The following AP4E1 variants were observed in gnomAD, a reference collection of about 807,000 sequenced individuals.
AP4E1 encodes AP-4 complex subunit epsilon-1.
AP4E1 carries 56 observed loss-of-function variants against 128.2 expected under a neutral mutation model. The observed-to-expected ratio is 0.44, with a 90% CI of 0.35 to 0.55. AP4E1 has a LOEUF of 0.55. Among genes scored for constraint, AP4E1 ranks in the 20% least tolerant of loss-of-function variants. The pLI is 0.00. For synonymous variants in AP4E1, 484 were observed against 473.1 expected (o/e 1.02, Z -0.30); for missense variants, 1,324 against 1,307.7 (o/e 1.01, Z -0.19).
In AP4E1 at chr15:50,991,545, C is replaced by CT. The variant is rs1001631623; in HGVS notation, c.2091-1815dup. 6.4e-3 allele frequency among the ~76,000 whole-genome samples: 958 copies of CT among 149,504 alleles called. 13 individuals carry two copies. The highest frequency in any genetic ancestry group is 0.022 in the African/African-American group (914 of 40,752). On this transcript the variant is annotated intron_variant, in intron 16 of 20. Coordinates refer to ENST00000261842, the MANE Select transcript of AP4E1 (RefSeq NM_007347.5). ...TTTGTCTAAGAGGTTTATTATATAA[C>CT]TTTTTTTTTTCTTTAGAAAACTCTT...
At chr15:50,911,988 T>G (rs1161168577) in intron 1 of AP4E1, 90 bp from the exon 2 acceptor site, 3 of 970,958 alleles carry the variant, frequency 3.1e-6, no homozygotes, top group Non-Finnish European at 4.8e-6. Flanking sequence ...AAATTAAAAG[T>G]ATTGTAAATT....
intron 15 of AP4E1, among the ~76,000 whole-genome samples, chr15:50,980,101 G>A (rs1448261771): frequency 2.6e-5 from 4 of 152,170 alleles, no homozygotes; most frequent in African/African-American, 4.8e-5. Flanking sequence ...ATTATTAAGT[G>A]TTCATGATCA....
intron 14 of AP4E1, among the ~76,000 whole-genome samples, chr15:50,961,888 A>G (rs2064319615): frequency 6.6e-6 from 1 of 152,052 alleles, no homozygotes; most frequent in Non-Finnish European, 1.5e-5. Context: ...TAGAACCAAT[A>G]AAAGAATTCA....
At chr15:50,915,421 A>G in intron 2 of AP4E1, 27 bp from the exon 3 acceptor site, 1 of 1,603,598 alleles carries the variant, frequency 6.2e-7, no homozygotes, top group Non-Finnish European at 8.5e-7. Flanking sequence ...GTTTATTTAT[A>G]CAGCTACTGG....
rs148111863 is a variant in AP4E1, at chr15:50,997,853, C to T, written c.2874C>T (p.Asp958=). 1.9e-4 allele frequency: 310 copies of T among 1,598,612 alleles called. No individual in the cohort carries two copies. The highest frequency in any genetic ancestry group is 2.5e-4 in the Non-Finnish European group (288 of 1,170,422). Residue 958 remains aspartate, a synonymous_variant, in exon 18 of 21, where the codon GAC becomes GAT. Coordinates refer to ENST00000261842, the MANE Select transcript of AP4E1 (RefSeq NM_007347.5). ...GTGGTTTGGAATTGAAAAGTGCTGA[C>T]TTAGAAATTTTTCCTGCAGAAAATT... The part of the protein sequence containing the change: ...NKSGLELKSA[D]LEIFPAENFK...
Position 51,002,851 on chromosome 15 carries a change from G to A in AP4E1, c.*189G>A, listed in dbSNP as rs1455456456. The stretch of plus-strand genomic sequence containing the variant: ...AACTGTATCCCTAACCTTTAACTCA[G>A]GATTGTACAGTATGTTTAGGTCCCT... On this transcript the variant is annotated 3_prime_UTR_variant, in exon 21 of 21. Coordinates refer to ENST00000261842, the MANE Select transcript of AP4E1 (RefSeq NM_007347.5). The A allele has an allele frequency of 1.5e-6, 1 of 688,042 alleles. No individual in the cohort carries two copies. The highest frequency in any genetic ancestry group is 2.4e-6 in the Non-Finnish European group (1 of 414,828). The allele number at this position is 688,042 out of a possible 1,614,324, so 42.6% of individuals were successfully genotyped here.
At chr15:50,936,702 G>A (rs1236551187) in intron 8 of AP4E1, among the ~76,000 whole-genome samples, 1 of 152,188 alleles carries the variant, frequency 6.6e-6, no homozygotes, top group African/African-American at 2.4e-5. Flanking sequence ...TTGGGAGGCC[G>A]AGGTGGGCGG....
intron 15 of AP4E1, among the ~76,000 whole-genome samples, chr15:50,973,256 G>A (rs904084002): frequency 6.6e-6 from 1 of 152,082 alleles, no homozygotes; most frequent in Non-Finnish European, 1.5e-5. Flanking sequence ...CAGGCTGTGT[G>A]CTAGGCATAT....
chr15:50,912,107 G>A lies in AP4E1; in HGVS notation c.180G>A (p.Leu60=). 6.2e-7 allele frequency: 1 copy of A among 1,614,134 alleles called. No individual in the cohort carries two copies. Among genetic ancestry groups the A allele is most frequent in the Non-Finnish European group, 8.5e-7 (1 of 1,179,992 alleles). ...HEEEKLIQQE[L]SSLKATVSAP... ...AAGAAAAATTAATCCAGCAGGAACT[G>A]AGTAGTCTGAAAGCGACTGTTTCTG... is the stretch of plus-strand genomic sequence containing the variant. Residue 60 remains leucine, a synonymous_variant, in exon 2 of 21, where the codon CTG becomes CTA. Transcript: ENST00000261842.
At position 50,958,534 on chromosome 15, in the gene AP4E1, G is replaced by A. The variant is rs2064263476; in HGVS notation, c.1591G>A (p.Glu531Lys). ...CTACCTCTTAGATAAGGAAACGCCA[G>A]AGGAAGTTATAGCTAAGCTCTACAA... ...YSYLLDKETP[E>K]EVIAKLYKLL... The change falls in exon 14 of 21, where the codon GAG (glutamate) becomes AAG (lysine). Residue 531 changes from glutamate (E) to lysine (K), a missense_variant. Glu to Lys is a moderately conservative substitution (Grantham distance 56). Coordinates refer to ENST00000261842, the MANE Select transcript of AP4E1 (RefSeq NM_007347.5). 1 of 1,613,780 alleles carries A rather than the reference G, an allele frequency of 6.2e-7. No individual in the cohort carries two copies. Among genetic ancestry groups the A allele is most frequent in the Admixed American group, 1.7e-5 (1 of 59,990 alleles).
intron 19 of AP4E1, 73 bp from the exon 20 acceptor site, chr15:51,000,953 G>C: frequency 8.8e-7 from 1 of 1,142,124 alleles, no homozygotes; most frequent in East Asian, 2.4e-5. Context: ...ATTCTCATGA[G>C]GCATTTGAAA....
intron 16 of AP4E1, among the ~76,000 whole-genome samples, chr15:50,984,576 C>T (rs943746252): frequency 1.9e-4 from 28 of 150,388 alleles, no homozygotes; most frequent in African/African-American, 3.4e-4. Flanking sequence ...TTTGTCCTTG[C>T]GATAGTTTGC....
At chr15:50,972,721 G>A (rs148993490) in intron 15 of AP4E1, among the ~76,000 whole-genome samples, 32 of 152,348 alleles carry the variant, frequency 2.1e-4, no homozygotes, top group African/African-American at 5.5e-4. Context: ...TACTCTGGCT[G>A]GGAAGCATGG....
intron 3 of AP4E1, among the ~76,000 whole-genome samples, chr15:50,918,470 T>C (rs544159927): frequency 6.6e-6 from 1 of 152,318 alleles, no homozygotes; most frequent in African/African-American, 2.4e-5. Flanking sequence ...TATTAGATAG[T>C]TGATGGTAGA....
At chr15:50,968,455 T>A (rs1446156665) in intron 15 of AP4E1, 78 bp downstream of exon 15, 2 of 1,023,624 alleles carry the variant, frequency 2.0e-6, no homozygotes, top group Non-Finnish European at 3.0e-6. Flanking sequence ...AGTAAATAAA[T>A]AAAGATATTT....
At chr15:50,916,421 G>C (rs888349895) in intron 3 of AP4E1, among the ~76,000 whole-genome samples, 2 of 152,094 alleles carry the variant, frequency 1.3e-5, no homozygotes, top group Non-Finnish European at 2.9e-5. Context: ...AGGGCTGTTA[G>C]GAAAAATTCT....
intron 3 of AP4E1, among the ~76,000 whole-genome samples, chr15:50,919,921 A>G (rs1336091129): frequency 6.6e-6 from 1 of 151,688 alleles, no homozygotes; most frequent in Non-Finnish European, 1.5e-5. Context: ...TACTAAGAAT[A>G]CAAAGATTAG....
intron 10 of AP4E1, among the ~76,000 whole-genome samples, chr15:50,947,799 G>T (rs1175241106): frequency 6.6e-6 from 1 of 152,144 alleles, no homozygotes; most frequent in African/African-American, 2.4e-5. Context: ...TCAGTAGGAA[G>T]CTTATAGACA....
chr15:50,920,867 C>T (rs1237387076), intron 3 of AP4E1, among the ~76,000 whole-genome samples: 4 of 152,210 alleles, frequency 2.6e-5, no homozygotes, highest in East Asian at 1.9e-4. Context: ...GGCACGATCT[C>T]GGCTTACTGC....
Sources: gnomAD v4.1 joint callset for allele counts (sites outside exome capture counted in the v4.1 genomes callset) on GRCh38, gnomAD v4.1.1 for gene constraint, MANE v1.5 for transcripts, NCBI Gene and HGNC (gene_info 2026-07-23, HGNC 2026-07-21) for gene names.